TM6SF1: variants seen among roughly 807,000 people sequenced by gnomAD.
TM6SF1 encodes the protein transmembrane 6 superfamily member 1.
In TM6SF1, 43 loss-of-function variants were observed where a neutral mutation model predicts 47.1. The observed-to-expected ratio is 0.91, with a 90% CI of 0.72 to 1.18. The LOEUF (loss-of-function observed/expected upper bound fraction) is 1.18. Among genes scored for constraint, TM6SF1 ranks in the 50% most tolerant of loss-of-function variants. The pLI, the probability that TM6SF1 is intolerant of heterozygous loss-of-function variation, is 0.00. For missense variants in TM6SF1, 390 were observed against 449.0 expected, an observed-to-expected ratio of 0.87 and a Z score of 1.19; for synonymous variants, 177 against 166.3, an observed-to-expected ratio of 1.06 and a Z score of -0.49.
chr15:83,116,260 T>C (rs2034650292), intron 3 of TM6SF1, among the ~76,000 whole-genome samples: 2 of 152,230 alleles, frequency 1.3e-5, no homozygotes, highest in South Asian at 4.1e-4. Context: ...TATGTGTCTG[T>C]TAATACATGA....
At chr15:83,121,589 ACTTT>A (rs2035249175) in intron 4 of TM6SF1, among the ~76,000 whole-genome samples, 1 of 152,226 alleles carries the variant, frequency 6.6e-6, no homozygotes, top group Admixed American at 6.5e-5. Context: ...TCTTCTTTCA[ACTTT>A]CTTTTTCCTT....
intron 8 of TM6SF1, among the ~76,000 whole-genome samples, 158 bp from the exon 9 acceptor site, chr15:83,127,199 AT>A: frequency 6.6e-6 from 1 of 151,604 alleles, no homozygotes; most frequent in South Asian, 2.1e-4. Flanking sequence ...ACCTAAAAAA[AT>A]AAATAAATAA....
Position 83,136,750 on chromosome 15 carries a change from C to A in TM6SF1, c.*78C>A. The A allele has an allele frequency of 8.1e-7, 1 of 1,233,438 alleles. No individual in the cohort carries two copies. Among genetic ancestry groups the A allele is most frequent in the Non-Finnish European group, 1.1e-6 (1 of 875,372 alleles). 76.4% of individuals were successfully genotyped at this position (1,233,438 alleles called of 1,614,324 possible). A position where few individuals can be genotyped will look rare whatever the true frequency, so the allele number is the denominator to read the frequency against. The stretch of plus-strand genomic sequence containing the variant: ...TACTGATATTTTGTCCCATTTCACT[C>A]TCTTCTCATACGTGAGTACTTAAGA... On this transcript the variant is annotated 3_prime_UTR_variant, in exon 10 of 10. Transcript: ENST00000322019.
intron 2 of TM6SF1, chr15:83,115,035 C>CA (rs970222855): frequency 6.6e-6 from 1 of 152,480 alleles, no homozygotes; most frequent in Non-Finnish European, 1.5e-5. Context: ...TAGGATACGC[C>CA]ATGTGGAATA....
chr15:83,132,917 G>T (rs1307966042), intron 9 of TM6SF1: 1 of 152,118 alleles, frequency 6.6e-6, no homozygotes, highest in Non-Finnish European at 1.5e-5. Context: ...ACAGTAAAAA[G>T]GTCAAAAGGT....
At chr15:83,123,378 A>T (rs571412309) in intron 6 of TM6SF1, among the ~76,000 whole-genome samples, 1 of 152,276 alleles carries the variant, frequency 6.6e-6, no homozygotes, top group Admixed American at 6.5e-5. Flanking sequence ...CCTCCCTTCC[A>T]TTCACAGCCA....
chr15:83,128,187 A>T (rs562163430), intron 9 of TM6SF1: 1 of 152,314 alleles, frequency 6.6e-6, no homozygotes. Flanking sequence ...TCAAGCAGTT[A>T]TAAGAATGAG....
At position 83,107,661 on chromosome 15, in the gene TM6SF1, C is replaced by T. The variant is rs375293386; in HGVS notation, c.-20C>T. 5.2e-6 allele frequency: 8 copies of T among 1,532,340 alleles called. No homozygotes were observed. The highest frequency in any genetic ancestry group is 7.0e-6 in the Non-Finnish European group (8 of 1,140,264). The allele number at this position is 1,532,340 out of a possible 1,614,324, so 94.9% of individuals were successfully genotyped here. A position where few individuals can be genotyped will look rare whatever the true frequency, so the allele number is the denominator to read the frequency against. ...GCGCCCAGCGGGATGCGGTGAAGGG[C>T]GAGCGGCGCGGCGGCTGCGATGAGT... On this transcript the variant is annotated 5_prime_UTR_variant, in exon 1 of 10. Transcript: ENST00000322019. The surrounding 1 kb of genome is among the most constrained non-coding windows in gnomAD (Gnocchi z 5.6).
chr15:83,113,630 A>T (rs2034394800), intron 2 of TM6SF1: 1 of 152,436 alleles, frequency 6.6e-6, no homozygotes, highest in African/African-American at 2.4e-5. Context: ...AGCAACAAAC[A>T]TTTATTTTTC....
rs1596505134 is a variant in TM6SF1 at position 83,124,803 on chromosome 15, AAC to A, written c.708+29_708+30del. On this transcript the variant is annotated intron_variant, in intron 7 of 9. Transcript: ENST00000322019. ...TAAGCATAACAGATCATAATAACGTAACATTGTGATACTACTCACATTTCCAA... is the reference window on the plus strand; with the variant it reads ...TAAGCATAACAGATCATAATAACGTAATTGTGATACTACTCACATTTCCAA... 2.6e-6 allele frequency: 4 copies of A among 1,533,638 alleles called. No homozygotes were observed. In the East Asian group the frequency reaches 9.0e-5, roughly 35 times the overall value.
rs1172779863 is a variant in TM6SF1 at position 83,107,816 on chromosome 15, G to C, written c.92+44G>C. 5 of 1,545,262 alleles carry C rather than the reference G, an allele frequency of 3.2e-6. No homozygotes were observed. The South Asian group carries it at 4.8e-5, about 15-fold the overall frequency. ...CGGGGGTCGCGCCGAGGGGCGGCGG[G>C]AGTTGGCTCGCCGCGACGGGAGCCT... On this transcript the variant is annotated intron_variant, in intron 1 of 9. Coordinates refer to ENST00000322019, the MANE Select transcript of TM6SF1 (RefSeq NM_023003.5). This position sits in a 1 kb window ranked among gnomAD's most constrained non-coding sequence, Gnocchi z 5.6.
intron 9 of TM6SF1, chr15:83,128,838 T>C (rs1409981934): frequency 1.3e-5 from 2 of 152,176 alleles, no homozygotes; most frequent in Non-Finnish European, 2.9e-5. Context: ...TCCTTTTTTT[T>C]TTCTTTTAAA....
chr15:83,117,936 A>G lies in TM6SF1; in HGVS notation c.295-1642A>G, dbSNP rs2034826326. ...GGCTAGACCTAATGCTGTGAAGAAGAGGGAGAATTGCCGGGGTGACATCGT... is the reference window on the plus strand; with the variant it reads ...GGCTAGACCTAATGCTGTGAAGAAGGGGGAGAATTGCCGGGGTGACATCGT... On this transcript the variant is annotated intron_variant, in intron 3 of 9. Coordinates refer to ENST00000322019, the MANE Select transcript of TM6SF1 (RefSeq NM_023003.5). 2.0e-5 allele frequency among the ~76,000 whole-genome samples: 3 copies of G among 152,222 alleles called. No homozygotes were observed. The South Asian group carries it at 6.2e-4, about 32-fold the overall frequency.
rs576742848 is a variant in TM6SF1 at position 83,132,771 on chromosome 15, G to A, written c.922-3710G>A. On this transcript the variant is annotated intron_variant, in intron 9 of 9. Coordinates refer to ENST00000322019, the MANE Select transcript of TM6SF1 (RefSeq NM_023003.5). ...GAAAGTAACAGTTTAGGAAGAACAC[G>A]GATAGTTGGGATACTAATGCAAATC... 7 of 152,174 alleles carry A rather than the reference G, an allele frequency of 4.6e-5. No individual in the cohort carries two copies. The South Asian group carries it at 1.0e-3, about 23-fold the overall frequency. The allele number at this position is 152,174 out of a possible 1,614,324, so 9.4% of individuals were successfully genotyped here.
At chr15:83,114,955 T>A (rs965928546) in intron 2 of TM6SF1, 7 of 152,274 alleles carry the variant, frequency 4.6e-5, no homozygotes, top group African/African-American at 1.4e-4. Context: ...CCTCTTGTAT[T>A]CATTTTTAAC....
At chr15:83,133,155 C>A (rs2036369953) in intron 9 of TM6SF1, 1 of 152,238 alleles carries the variant, frequency 6.6e-6, no homozygotes, top group African/African-American at 2.4e-5. Flanking sequence ...TGATTTGACT[C>A]TGGATGTCTA....
intron 9 of TM6SF1, chr15:83,135,043 C>T (rs2036519772): frequency 6.6e-6 from 1 of 152,228 alleles, no homozygotes; most frequent in Admixed American, 6.5e-5. Context: ...CGAGTCCTCT[C>T]AGTGCCTCAT....
chr15:83,116,521 C>G lies in TM6SF1; in HGVS notation c.294+579C>G, dbSNP rs1185115798. 2.6e-5 allele frequency among the ~76,000 whole-genome samples: 4 copies of G among 152,230 alleles called. No homozygotes were observed. The East Asian group carries it at 7.7e-4, about 29-fold the overall frequency. ...TGAGGAAAAGGGCTCAAAGCAGATT[C>G]TTCATCCATGTTCAGATAATGGGGA... On this transcript the variant is annotated intron_variant, in intron 3 of 9. Coordinates refer to ENST00000322019, the MANE Select transcript of TM6SF1 (RefSeq NM_023003.5).
At chr15:83,130,619 G>C (rs2036164348) in intron 9 of TM6SF1, 1 of 152,220 alleles carries the variant, frequency 6.6e-6, no homozygotes, top group Non-Finnish European at 1.5e-5. Context: ...GCTCTTGGCT[G>C]AGCTTTAATA....
Sources: gnomAD v4.1 joint callset for allele counts (sites outside exome capture counted in the v4.1 genomes callset) on GRCh38, gnomAD v4.1.1 for gene constraint, Gnocchi (gnomAD v3.1) non-coding constraint, MANE v1.5 for transcripts, NCBI Gene and HGNC (gene_info 2026-07-23, HGNC 2026-07-21) for gene names.